Variants in MAGI2 observed in about 807,000 individuals in gnomAD.
MAGI2 encodes the protein membrane-associated guanylate kinase, WW and PDZ domain-containing protein 2.
In MAGI2, 35 loss-of-function variants were observed where a neutral mutation model predicts 133.3. The ratio of observed to expected loss-of-function variants is 0.26; its 90% CI spans 0.20 to 0.35. The LOEUF (loss-of-function observed/expected upper bound fraction) is 0.35, where lower values mean the gene tolerates loss of function less well. Among genes scored for constraint, MAGI2 ranks in the 10% least tolerant of loss-of-function variants. The pLI, the probability that MAGI2 is intolerant of heterozygous loss-of-function variation, is 1.00. For synonymous variants in MAGI2, 729 were observed against 710.6 expected (o/e 1.03, Z -0.41); for missense variants, 1,636 against 1,863.4 (o/e 0.88, Z 2.25).
chr7:78,439,057 C>A (rs1413603837), intron 6 of MAGI2, among the ~76,000 whole-genome samples: 1 of 152,156 alleles, frequency 6.6e-6, no homozygotes, highest in Non-Finnish European at 1.5e-5. Flanking sequence ...CCATACTGCC[C>A]TCTGGATTAC....
At chr7:78,592,828 C>CTT (rs10675572) in intron 3 of MAGI2, among the ~76,000 whole-genome samples, 13,119 of 105,828 alleles carry the variant, frequency 0.12, 1,520 homozygotes, top group African/African-American at 0.27. Flanking sequence ...TACTGATTCT[C>CTT]TTTTTTTTTT....
At chr7:78,279,774 G>T (rs762624026) in intron 9 of MAGI2, among the ~76,000 whole-genome samples, 2 of 152,156 alleles carry the variant, frequency 1.3e-5, no homozygotes, top group Non-Finnish European at 2.9e-5. Context: ...TACAGTTGTA[G>T]TTTAAGTGAG....
chr7:78,844,106 G>T (rs536883268), intron 2 of MAGI2, among the ~76,000 whole-genome samples: 1 of 150,598 alleles, frequency 6.6e-6, no homozygotes, highest in South Asian at 2.1e-4. Context: ...TGCATTTACA[G>T]GCAAAAGAGA....
At chr7:78,683,110 A>G (rs1003931849) in intron 2 of MAGI2, among the ~76,000 whole-genome samples, 6 of 152,140 alleles carry the variant, frequency 3.9e-5, no homozygotes, top group African/African-American at 7.2e-5. Context: ...GAAAAATGCA[A>G]TGGTGATAAA....
intron 9 of MAGI2, among the ~76,000 whole-genome samples, chr7:78,307,385 T>C (rs1175576533): frequency 6.6e-6 from 1 of 152,238 alleles, no homozygotes; most frequent in Non-Finnish European, 1.5e-5. Context: ...TTTACTGTTC[T>C]CTGGATACTA....
intron 1 of MAGI2, among the ~76,000 whole-genome samples, chr7:79,065,476 G>A (rs1285304329): frequency 6.6e-6 from 1 of 152,028 alleles, no homozygotes; most frequent in African/African-American, 2.4e-5. Flanking sequence ...CAGACATCAA[G>A]AACTTGCAGT....
chr7:78,916,674 G>T (rs568740717), intron 2 of MAGI2, among the ~76,000 whole-genome samples: 2 of 152,126 alleles, frequency 1.3e-5, no homozygotes, highest in East Asian at 3.9e-4. Context: ...CAAATGGAAA[G>T]AAATAAACAA....
chr7:78,863,185 CTG>C (rs1408101239), intron 2 of MAGI2, among the ~76,000 whole-genome samples: 1 of 152,208 alleles, frequency 6.6e-6, no homozygotes, highest in African/African-American at 2.4e-5. Context: ...AGAAACAGAA[CTG>C]TGAGAGGCAA....
chr7:78,501,529 C>G, intron 5 of MAGI2, 48 bp downstream of exon 5: 1 of 1,352,754 alleles, frequency 7.4e-7, no homozygotes, highest in Non-Finnish European at 1.0e-6. Flanking sequence ...TCATTTATAT[C>G]CCGCTATGAC....
At chr7:78,976,145 C>T (rs1804228080) in intron 2 of MAGI2, among the ~76,000 whole-genome samples, 1 of 151,394 alleles carries the variant, frequency 6.6e-6, no homozygotes, top group African/African-American at 2.4e-5. Flanking sequence ...AACTGCAGAT[C>T]AATATCTCAT....
intron 9 of MAGI2, among the ~76,000 whole-genome samples, chr7:78,333,963 G>C (rs1028455649): frequency 2.0e-5 from 3 of 152,170 alleles, no homozygotes; most frequent in African/African-American, 7.2e-5. Flanking sequence ...CTTCAAAAGA[G>C]TAGAAAAATT....
At chr7:78,732,647 T>A (rs1404870045) in intron 2 of MAGI2, among the ~76,000 whole-genome samples, 2 of 152,152 alleles carry the variant, frequency 1.3e-5, no homozygotes, top group Non-Finnish European at 2.9e-5. Context: ...TTCTTCCAAA[T>A]TTTCAAGATG....
At chr7:78,785,325 T>C (rs1826724713) in intron 2 of MAGI2, among the ~76,000 whole-genome samples, 1 of 152,324 alleles carries the variant, frequency 6.6e-6, no homozygotes, top group Middle Eastern at 3.4e-3. Context: ...AAAATGGAGA[T>C]TGGATCATTT....
At chr7:78,657,355 C>T (rs1331012524) in intron 2 of MAGI2, among the ~76,000 whole-genome samples, 1 of 152,168 alleles carries the variant, frequency 6.6e-6, no homozygotes, top group Non-Finnish European at 1.5e-5. Flanking sequence ...AACATGTCCA[C>T]ACAAAAACCT....
At chr7:78,649,821 A>T (rs1022110235) in intron 2 of MAGI2, among the ~76,000 whole-genome samples, 1 of 152,128 alleles carries the variant, frequency 6.6e-6, no homozygotes, top group African/African-American at 2.4e-5. Context: ...TCGTCTGAAC[A>T]GTCCTCATTT....
chr7:78,245,659 G>A (rs1183859463), intron 10 of MAGI2, among the ~76,000 whole-genome samples: 2 of 152,032 alleles, frequency 1.3e-5, no homozygotes, highest in Non-Finnish European at 2.9e-5. Context: ...AGAACCAGGA[G>A]GGACTTCTCC....
At chr7:79,431,269 T>G (rs573301221) in intron 1 of MAGI2, among the ~76,000 whole-genome samples, 2 of 152,336 alleles carry the variant, frequency 1.3e-5, no homozygotes, top group South Asian at 4.1e-4. Context: ...TCTACCTGGA[T>G]GCCATTGAGT....
intron 1 of MAGI2, among the ~76,000 whole-genome samples, chr7:79,324,056 G>A (rs1839405988): frequency 6.6e-6 from 1 of 152,022 alleles, no homozygotes; most frequent in Non-Finnish European, 1.5e-5. Flanking sequence ...ATGTGATTTA[G>A]GGCAAATCCT....
At chr7:79,424,632 G>C (rs1451000725) in intron 1 of MAGI2, among the ~76,000 whole-genome samples, 2 of 152,074 alleles carry the variant, frequency 1.3e-5, no homozygotes, top group Non-Finnish European at 2.9e-5. Flanking sequence ...ATTCCACAAT[G>C]TATGTATACT....
Sources: gnomAD v4.1 joint callset for allele counts (sites outside exome capture counted in the v4.1 genomes callset) on GRCh38, gnomAD v4.1.1 for gene constraint, MANE v1.5 for transcripts, NCBI Gene and HGNC (gene_info 2026-07-23, HGNC 2026-07-21) for gene names.